The following KANK1 variants were observed in gnomAD, a reference collection of about 807,000 sequenced individuals.
The protein encoded by KANK1 is KN motif and ankyrin repeat domain-containing protein 1.
In KANK1, 109 loss-of-function variants were observed where a neutral mutation model predicts 106.2. The observed-to-expected ratio is 1.03, with a 90% CI of 0.88 to 1.20. The LOEUF (loss-of-function observed/expected upper bound fraction) is 1.20. Ranked by LOEUF, KANK1 falls within the 50% of genes most tolerant of loss-of-function variation. The pLI, the probability that KANK1 is intolerant of heterozygous loss-of-function variation, is 0.00. For missense variants in KANK1, 2,399 were observed against 1,710.7 expected (o/e 1.40, Z -7.10); for synonymous variants, 873 against 652.2 (o/e 1.34, Z -5.16).
Position 508,983 on chromosome 9 carries a change from G to A in KANK1, c.-84+4229G>A, listed in dbSNP as rs113996832. Among the ~76,000 whole-genome samples the A allele has an allele frequency of 3.5e-3, 530 of 152,322 alleles. 1 individual carries two copies. Among genetic ancestry groups the A allele is most frequent in the African/African-American group, 0.012 (500 of 41,556 alleles). On this transcript the variant is annotated intron_variant, in intron 1 of 11. Coordinates refer to ENST00000382297, the MANE Select transcript of KANK1 (RefSeq NM_015158.5). ...TAGAGGTACAGTCATGCGGATTTCT[G>A]AAGTGGTTGTAGAGTTTATACTTCT...
chr9:486,421 G>C (rs149878154), intron 3 of KANK1, among the ~76,000 whole-genome samples: 3 of 152,092 alleles, frequency 2.0e-5, no homozygotes, highest in African/African-American at 4.8e-5. Flanking sequence ...TGCTGAGTAC[G>C]TACTGTATAA....
At chr9:722,950 T>TG (rs1336958212) in intron 3 of KANK1, among the ~76,000 whole-genome samples, 1 of 151,928 alleles carries the variant, frequency 6.6e-6, no homozygotes, top group African/African-American at 2.4e-5. Flanking sequence ...AGGACAATGA[T>TG]GGGGAAAAAA....
At chr9:625,654 C>G (rs1313891682) in intron 1 of KANK1, among the ~76,000 whole-genome samples, 1 of 152,084 alleles carries the variant, frequency 6.6e-6, no homozygotes, top group Non-Finnish European at 1.5e-5. Flanking sequence ...GTTTTCTCTG[C>G]TTTGTTAACT....
chr9:662,748 A>T (rs9775078), intron 1 of KANK1, among the ~76,000 whole-genome samples: 1 of 150,930 alleles, frequency 6.6e-6, no homozygotes, highest in African/African-American at 2.4e-5. Context: ...TGCAATCTCC[A>T]CCTCCTGGGT....
intron 2 of KANK1, 147 bp from the exon 3 acceptor site, chr9:710,657 C>G (rs1825773404): frequency 2.3e-6 from 1 of 435,416 alleles, no homozygotes; most frequent in African/African-American, 2.1e-5. Context: ...AACTTGCTTA[C>G]CCAGCTGTTG....
Position 745,242 on chromosome 9 carries a change from G to A in KANK1, c.*7G>A. On this transcript the variant is annotated 3_prime_UTR_variant, in exon 12 of 12. Transcript: ENST00000382297. ...CCGAGGTTCATTTGATTGATTGTATGCAAATAGCCCTTTATTTACATGCCA... is the reference window on the plus strand; with the variant it reads ...CCGAGGTTCATTTGATTGATTGTATACAAATAGCCCTTTATTTACATGCCA... 1.2e-6 allele frequency: 2 copies of A among 1,613,992 alleles called. No individual in the cohort carries two copies. Among genetic ancestry groups the A allele is most frequent in the South Asian group, 1.1e-5 (1 of 91,066 alleles).
intron 6 of KANK1, chr9:733,357 A>G (rs1243641695): frequency 1.3e-5 from 2 of 152,248 alleles, no homozygotes; most frequent in Non-Finnish European, 2.9e-5. Context: ...AACTGCATTA[A>G]AACAAGGTAA....
intron 3 of KANK1, among the ~76,000 whole-genome samples, chr9:479,810 T>C (rs2058171552): frequency 6.6e-6 from 1 of 152,172 alleles, no homozygotes; most frequent in Admixed American, 6.5e-5. Flanking sequence ...CACAAGGAAG[T>C]TCATGGCAAT....
At chr9:736,443 C>G (rs1406980447) in intron 7 of KANK1, among the ~76,000 whole-genome samples, 1 of 152,142 alleles carries the variant, frequency 6.6e-6, no homozygotes, top group Non-Finnish European at 1.5e-5. Context: ...GTGGCTCACA[C>G]CTGTAATCCC....
chr9:662,338 T>C (rs1462173831), intron 1 of KANK1, among the ~76,000 whole-genome samples: 3 of 152,110 alleles, frequency 2.0e-5, no homozygotes, highest in Non-Finnish European at 4.4e-5. Flanking sequence ...TTAAAGTTCA[T>C]ATGGAACCAA....
At chr9:701,134 G>T (rs1434024639) in intron 2 of KANK1, among the ~76,000 whole-genome samples, 1 of 151,508 alleles carries the variant, frequency 6.6e-6, no homozygotes, top group Non-Finnish European at 1.5e-5. Flanking sequence ...ATTTTTTTTT[G>T]AAATGGAGTT....
intron 1 of KANK1, among the ~76,000 whole-genome samples, chr9:566,088 C>T (rs1817733912): frequency 6.6e-6 from 1 of 152,198 alleles, no homozygotes; most frequent in Non-Finnish European, 1.5e-5. Context: ...CATCATTTAG[C>T]TCCCATTTAT....
intron 3 of KANK1, chr9:477,662 G>A (rs1275658235): frequency 6.6e-6 from 1 of 152,244 alleles, no homozygotes; most frequent in Non-Finnish European, 1.5e-5. Context: ...TGAAAGAAAG[G>A]AATCCCAAAA....
intron 1 of KANK1, among the ~76,000 whole-genome samples, chr9:565,752 G>A (rs1817645296): frequency 6.6e-6 from 1 of 152,120 alleles, no homozygotes; most frequent in Non-Finnish European, 1.5e-5. Context: ...CATCTCAAAA[G>A]GCCAATCTTA....
intron 3 of KANK1, among the ~76,000 whole-genome samples, chr9:721,446 T>TA (rs751068142): frequency 1.8e-4 from 27 of 152,198 alleles, no homozygotes; most frequent in Non-Finnish European, 3.2e-4. Flanking sequence ...GGCAAATACT[T>TA]ACTCTTGCTG....
intron 3 of KANK1, among the ~76,000 whole-genome samples, chr9:714,932 A>G (rs949752977): frequency 6.6e-6 from 1 of 152,180 alleles, no homozygotes; most frequent in African/African-American, 2.4e-5. Flanking sequence ...GTGACCTGGG[A>G]AAGAGTGTGC....
chr9:743,400 G>C (rs1836226405), intron 10 of KANK1, among the ~76,000 whole-genome samples: 1 of 152,206 alleles, frequency 6.6e-6, no homozygotes, highest in Non-Finnish European at 1.5e-5. Flanking sequence ...CTGTGGGAGG[G>C]AGAGCTTCTG....
chr9:607,300 A>G (rs1829453180), intron 1 of KANK1, among the ~76,000 whole-genome samples: 2 of 151,604 alleles, frequency 1.3e-5, no homozygotes, highest in African/African-American at 4.9e-5. Flanking sequence ...AGCCTGGCCA[A>G]TATGGTGAGA....
At chr9:737,600 T>C (rs918137777) in intron 7 of KANK1, among the ~76,000 whole-genome samples, 1 of 152,028 alleles carries the variant, frequency 6.6e-6, no homozygotes, top group South Asian at 2.1e-4. Context: ...GAAGTCAGAG[T>C]GGAGCTGATG....
Sources: allele counts gnomAD v4.1 joint callset (sites outside exome capture counted in the v4.1 genomes callset), GRCh38; gene constraint gnomAD v4.1.1; transcripts MANE v1.5; gene names NCBI Gene and HGNC (gene_info 2026-07-23, HGNC 2026-07-21).